The following VTI1A variants were observed in gnomAD, a reference collection of about 807,000 sequenced individuals.
The protein encoded by VTI1A is vesicle transport through interaction with t-SNAREs 1A.
VTI1A carries 22 observed loss-of-function variants against 34.9 expected under a neutral mutation model. The observed-to-expected ratio is 0.63, with a 90% CI of 0.45 to 0.90. VTI1A has a LOEUF of 0.90. VTI1A is among the 40% of genes least tolerant of loss of function. The pLI is 0.00. For missense variants in VTI1A, 268 were observed against 275.6 expected (o/e 0.97, Z 0.20); for synonymous variants, 87 against 97.3 (o/e 0.89, Z 0.62).
At position 112,691,214 on chromosome 10, in the gene VTI1A, C is replaced by G. The variant is rs576097009; in HGVS notation, c.560+22216C>G. On this transcript the variant is annotated intron_variant, in intron 7 of 7. Coordinates refer to ENST00000393077, the MANE Select transcript of VTI1A (RefSeq NM_145206.4). Reference sequence around the variant, plus strand: ...AGGTGTAGGTTGCAGTGAGCCAAGACCATGCCACTGCACTCCAGCCTGGGC... The same window carrying G: ...AGGTGTAGGTTGCAGTGAGCCAAGAGCATGCCACTGCACTCCAGCCTGGGC... Among the ~76,000 whole-genome samples, 21 of 151,538 alleles carry G rather than the reference C, an allele frequency of 1.4e-4. No homozygotes were observed. The Middle Eastern group carries it at 0.01, about 74-fold the overall frequency.
chr10:112,556,341 C>T (rs1328364672), intron 5 of VTI1A, among the ~76,000 whole-genome samples: 1 of 151,952 alleles, frequency 6.6e-6, no homozygotes, highest in Non-Finnish European at 1.5e-5. Context: ...CTCAGAATTG[C>T]CTATTGCTGA....
At chr10:112,748,415 T>TA (rs1850981099) in intron 7 of VTI1A, among the ~76,000 whole-genome samples, 1 of 152,140 alleles carries the variant, frequency 6.6e-6, no homozygotes, top group Admixed American at 6.5e-5. Context: ...GACTCATCTA[T>TA]AAAAACACAT....
chr10:112,592,344 G>A (rs1844426216), intron 5 of VTI1A, among the ~76,000 whole-genome samples: 1 of 152,166 alleles, frequency 6.6e-6, no homozygotes, highest in Non-Finnish European at 1.5e-5. Context: ...GCAACAACAA[G>A]AAATGAAGAC....
chr10:112,540,343 C>T (rs1015432620), intron 5 of VTI1A, among the ~76,000 whole-genome samples: 46 of 152,198 alleles, frequency 3.0e-4, no homozygotes. Flanking sequence ...GTCAGCCTAC[C>T]TCAGTCCCTT....
At chr10:112,498,207 G>A (rs1849094410) in intron 3 of VTI1A, among the ~76,000 whole-genome samples, 1 of 152,008 alleles carries the variant, frequency 6.6e-6, no homozygotes, top group Admixed American at 6.5e-5. Flanking sequence ...CTGAAGAATT[G>A]GTCTTTCTAT....
intron 7 of VTI1A, among the ~76,000 whole-genome samples, chr10:112,757,351 ATTTTTTTTTTTTTTTTTTTTT>A (rs1175362768): frequency 2.5e-5 from 1 of 40,672 alleles, no homozygotes; most frequent in Non-Finnish European, 4.3e-5. Context: ...TGTTGCTGTG[ATTTTTTTTTTTTTTTTTTTTT>A]TTTTTTTTTT....
chr10:112,503,099 A>G (rs986709774), intron 3 of VTI1A, among the ~76,000 whole-genome samples: 4 of 152,064 alleles, frequency 2.6e-5, no homozygotes, highest in African/African-American at 7.2e-5. Flanking sequence ...CACCTTAAAT[A>G]TTTTTCTTTA....
chr10:112,500,976 A>G lies in VTI1A; in HGVS notation c.265-26111A>G, dbSNP rs1004564573. Among the ~76,000 whole-genome samples, 29 of 152,238 alleles carry G rather than the reference A, an allele frequency of 1.9e-4. 1 individual carries two copies. Among genetic ancestry groups the G allele is most frequent in the Admixed American group, 1.7e-3 (26 of 15,290 alleles). ...GTAAAGCTGTTCTTGACCTGATTCA[A>G]CCAAGTTAGTTCCTTCCTTTATTTG... On this transcript the variant is annotated intron_variant, in intron 3 of 7. Transcript: ENST00000393077.
At chr10:112,542,051 C>T (rs1407255052) in intron 5 of VTI1A, among the ~76,000 whole-genome samples, 2 of 151,996 alleles carry the variant, frequency 1.3e-5, no homozygotes, top group Admixed American at 1.3e-4. Flanking sequence ...ATGGACATAT[C>T]CATTTTGTTT....
chr10:112,830,996 C>T, the VTI1A span, among the ~76,000 whole-genome samples: 4 of 150,898 alleles, frequency 2.7e-5, no homozygotes, highest in South Asian at 4.2e-4. Context: ...ACCACCGGCA[C>T]GTGCCACCAT....
intron 5 of VTI1A, among the ~76,000 whole-genome samples, chr10:112,631,304 C>T (rs1311045122): frequency 6.6e-6 from 1 of 152,110 alleles, no homozygotes; most frequent in Non-Finnish European, 1.5e-5. Flanking sequence ...TTAAAATGTA[C>T]ACATCAGTGA....
chr10:112,778,658 G>A (rs1161920100), intron 7 of VTI1A, among the ~76,000 whole-genome samples: 3 of 151,674 alleles, frequency 2.0e-5, no homozygotes, highest in Non-Finnish European at 4.4e-5. Flanking sequence ...GAAAGCTTCA[G>A]AAGCATGAAG....
chr10:112,770,192 G>T (rs1407362522), intron 7 of VTI1A, among the ~76,000 whole-genome samples: 1 of 151,944 alleles, frequency 6.6e-6, no homozygotes, highest in Non-Finnish European at 1.5e-5. Context: ...TTATTCCACA[G>T]TTATTGAATT....
At chr10:112,499,375 TTC>T (rs1207680542) in intron 3 of VTI1A, among the ~76,000 whole-genome samples, 1 of 152,194 alleles carries the variant, frequency 6.6e-6, no homozygotes, top group Admixed American at 6.5e-5. Flanking sequence ...CTCCATTGGA[TTC>T]TCTTTTTCTG....
chr10:112,463,450 G>A (rs751299587), intron 2 of VTI1A, among the ~76,000 whole-genome samples: 3 of 152,106 alleles, frequency 2.0e-5, no homozygotes, highest in East Asian at 1.9e-4. Context: ...GAAAACTAAG[G>A]CACAGAGACA....
intron 7 of VTI1A, among the ~76,000 whole-genome samples, chr10:112,808,018 G>A (rs1853148385): frequency 6.6e-6 from 1 of 151,970 alleles, no homozygotes; most frequent in East Asian, 1.9e-4. Flanking sequence ...AGGAGATCAA[G>A]ACCAGCCTGG....
chr10:112,552,563 A>G (rs977077175), intron 5 of VTI1A, among the ~76,000 whole-genome samples: 9 of 152,098 alleles, frequency 5.9e-5, no homozygotes, highest in Admixed American at 2.0e-4. Flanking sequence ...AGGTGAGTCA[A>G]AGGGATTGAC....
chr10:112,599,024 C>T (rs1227482615), intron 5 of VTI1A, among the ~76,000 whole-genome samples: 1 of 152,154 alleles, frequency 6.6e-6, no homozygotes, highest in Non-Finnish European at 1.5e-5. Context: ...CTCCGTTCAC[C>T]ATTTCTCCAA....
chr10:112,491,330 C>T (rs934161814), intron 3 of VTI1A, among the ~76,000 whole-genome samples: 1 of 152,214 alleles, frequency 6.6e-6, no homozygotes, highest in African/African-American at 2.4e-5. Context: ...CCTGACTAAT[C>T]TCAGTGAAGT....
Sources: allele counts gnomAD v4.1 joint callset (sites outside exome capture counted in the v4.1 genomes callset), GRCh38; gene constraint gnomAD v4.1.1; transcripts MANE v1.5; gene names NCBI Gene and HGNC (gene_info 2026-07-23, HGNC 2026-07-21).